Variants in RPS6KA2 observed in about 807,000 individuals in gnomAD.
The protein encoded by RPS6KA2 is ribosomal protein S6 kinase A2, also known as ribosomal protein S6 kinase alpha-2.
Under a neutral mutation model 91.8 loss-of-function variants are expected in RPS6KA2, and 42 were observed. The observed-to-expected ratio is 0.46, with a 90% CI of 0.36 to 0.59. RPS6KA2 has a LOEUF of 0.59. Among genes scored for constraint, RPS6KA2 ranks in the 20% least tolerant of loss-of-function variants. The pLI is 0.00. For synonymous variants in RPS6KA2, 414 were observed against 393.6 expected (o/e 1.05, Z -0.61); for missense variants, 798 against 978.5 (o/e 0.82, Z 2.46).
rs539961723 is a variant in RPS6KA2 at position 166,423,583 on chromosome 6, GC to G, written c.1582-167del. Among the ~76,000 whole-genome samples the G allele has an allele frequency of 1.3e-5, 2 of 152,210 alleles. No individual in the cohort carries two copies. Among genetic ancestry groups the G allele is most frequent in the African/African-American group, 2.4e-5 (1 of 41,520 alleles). ...CAACAGCTGCTGTCTTCTCCAGAGG[GC>G]CCCCCACCTTCTCCCATTCTCCTGT... On this transcript the variant is annotated intron_variant, in intron 16 of 20. Coordinates refer to ENST00000265678, the MANE Select transcript of RPS6KA2 (RefSeq NM_021135.6). The surrounding 1 kb of genome is among the most constrained non-coding windows in gnomAD (Gnocchi z 4.8).
At chr6:166,769,159 C>T (rs1439959685) in intron 2 of RPS6KA2, among the ~76,000 whole-genome samples, 1 of 152,212 alleles carries the variant, frequency 6.6e-6, no homozygotes, top group South Asian at 2.1e-4. Context: ...CCAATGTTCA[C>T]TGCTATGACC....
At chr6:166,498,140 A>G (rs937095646) in intron 8 of RPS6KA2, among the ~76,000 whole-genome samples, 3 of 152,258 alleles carry the variant, frequency 2.0e-5, no homozygotes, top group African/African-American at 7.2e-5. Flanking sequence ...AACTCCGTGT[A>G]CATCTCAGTT....
intron 10 of RPS6KA2, among the ~76,000 whole-genome samples, chr6:166,470,363 G>C (rs545637488): frequency 5.8e-4 from 89 of 152,324 alleles, no homozygotes; most frequent in African/African-American, 2.1e-3. Context: ...AAATGAAGAG[G>C]AGTTGACAGG....
chr6:166,679,058 T>C (rs930086103), intron 2 of RPS6KA2, among the ~76,000 whole-genome samples: 1 of 152,184 alleles, frequency 6.6e-6, no homozygotes, highest in Non-Finnish European at 1.5e-5. Context: ...GTTGACCAAT[T>C]ACCAGCACTA....
chr6:166,800,626 C>A (rs779086903), intron 2 of RPS6KA2, among the ~76,000 whole-genome samples: 4 of 152,188 alleles, frequency 2.6e-5, no homozygotes, highest in African/African-American at 9.6e-5. Context: ...AGACACCGAA[C>A]CTACAGTGCC....
At position 166,461,356 on chromosome 6, in the gene RPS6KA2, G is replaced by A. The variant is rs1780281582; in HGVS notation, c.973-1805C>T. On this transcript the variant is annotated intron_variant, in intron 11 of 20. Transcript: ENST00000265678. ...TGCCTGAGGAAGTCTCCTGAGCTGG[G>A]AAGCCCAGGCCATCGGGTGCCACGA... Among the ~76,000 whole-genome samples the A allele has an allele frequency of 1.3e-5, 2 of 151,972 alleles. 1 individual carries two copies. Among genetic ancestry groups the A allele is most frequent in the Middle Eastern group, 6.9e-3 (2 of 290 alleles).
At chr6:166,547,034 G>A (rs181764858) in intron 1 of RPS6KA2, among the ~76,000 whole-genome samples, 73 of 152,146 alleles carry the variant, frequency 4.8e-4, no homozygotes, top group Middle Eastern at 6.8e-3. Flanking sequence ...CTGCAGCCTC[G>A]ACCTCCTGGG....
intron 8 of RPS6KA2, among the ~76,000 whole-genome samples, chr6:166,497,823 T>A (rs532826604): frequency 6.6e-6 from 1 of 152,318 alleles, no homozygotes; most frequent in Admixed American, 6.5e-5. Flanking sequence ...GGCCTCAGTT[T>A]CCTCCTGTGT....
At chr6:166,561,754 T>A (rs1046855086) in intron 1 of RPS6KA2, among the ~76,000 whole-genome samples, 1 of 151,992 alleles carries the variant, frequency 6.6e-6, no homozygotes, top group Non-Finnish European at 1.5e-5. Flanking sequence ...TGGGCCACAC[T>A]GGAAGAAGAA....
intron 1 of RPS6KA2, among the ~76,000 whole-genome samples, chr6:166,604,546 T>C (rs1274475733): frequency 6.6e-5 from 10 of 152,316 alleles, no homozygotes; most frequent in African/African-American, 1.9e-4. Context: ...CATCCCCAGC[T>C]GGGGGAGGTG....
chr6:166,805,752 C>G (rs984903731), intron 2 of RPS6KA2, among the ~76,000 whole-genome samples: 9 of 152,072 alleles, frequency 5.9e-5, no homozygotes, highest in African/African-American at 2.2e-4. Flanking sequence ...GAAAATAAGG[C>G]TCATTCAAAG....
At chr6:166,834,334 T>C (rs1583165513) in intron 2 of RPS6KA2, among the ~76,000 whole-genome samples, 1 of 152,222 alleles carries the variant, frequency 6.6e-6, no homozygotes, top group Non-Finnish European at 1.5e-5. Context: ...TCTCATGTCT[T>C]TGTTAAAATG....
chr6:166,649,978 GT>G (rs1278751558), intron 2 of RPS6KA2, among the ~76,000 whole-genome samples: 2 of 152,112 alleles, frequency 1.3e-5, no homozygotes, highest in East Asian at 3.9e-4. Context: ...GAGAGAAGTA[GT>G]CTCTGAGTTA....
intron 10 of RPS6KA2, among the ~76,000 whole-genome samples, chr6:166,484,518 T>C (rs758641243): frequency 3.3e-5 from 5 of 152,192 alleles, no homozygotes; most frequent in Non-Finnish European, 7.3e-5. Flanking sequence ...AGAAAAGCTT[T>C]GTTTTTGTGA....
chr6:166,860,682 C>A (rs1431561388), intron 1 of RPS6KA2, among the ~76,000 whole-genome samples: 1 of 152,204 alleles, frequency 6.6e-6, no homozygotes, highest in Admixed American at 6.5e-5. Flanking sequence ...GAGCACCTTA[C>A]AGCTTCAGCA....
chr6:166,658,651 G>A (rs1321933503), intron 2 of RPS6KA2, among the ~76,000 whole-genome samples: 3 of 152,210 alleles, frequency 2.0e-5, no homozygotes, highest in Non-Finnish European at 4.4e-5. Context: ...GGGAGTAGGA[G>A]ACACTGATAA....
intron 2 of RPS6KA2, among the ~76,000 whole-genome samples, chr6:166,636,556 C>T (rs1196688383): frequency 1.3e-5 from 2 of 152,190 alleles, no homozygotes; most frequent in East Asian, 3.8e-4. Context: ...TCCTTCTCCT[C>T]TTCCTCTTCC....
chr6:166,560,726 G>A (rs574238174), intron 1 of RPS6KA2, among the ~76,000 whole-genome samples: 1 of 152,146 alleles, frequency 6.6e-6, no homozygotes, highest in African/African-American at 2.4e-5. Flanking sequence ...CTGGGCAGAG[G>A]ATGCAGGTGC....
intron 2 of RPS6KA2, among the ~76,000 whole-genome samples, chr6:166,711,834 AAAC>A (rs1789868776): frequency 6.6e-6 from 1 of 152,214 alleles, no homozygotes; most frequent in Non-Finnish European, 1.5e-5. Context: ...CTGCAAACAA[AAAC>A]AACAGAAAAA....
Sources: gnomAD v4.1 joint callset for allele counts (sites outside exome capture counted in the v4.1 genomes callset) on GRCh38, gnomAD v4.1.1 for gene constraint, Gnocchi (gnomAD v3.1) non-coding constraint, MANE v1.5 for transcripts, NCBI Gene and HGNC (gene_info 2026-07-23, HGNC 2026-07-21) for gene names.